Variants in CEP112 observed in about 807,000 individuals in gnomAD.
CEP112 encodes centrosomal protein of 112 kDa.
A neutral mutation model predicts 153.0 loss-of-function variants in CEP112; 127 were observed. The observed-to-expected ratio is 0.83, with a 90% confidence interval of 0.72 to 0.96. CEP112 has a LOEUF of 0.96. Ranked by LOEUF, CEP112 falls within the 40% of genes least tolerant of loss-of-function variation. The probability of loss-of-function intolerance (pLI) is 0.00; values close to 1 mark genes in which losing one functional copy is unlikely to be tolerated. For missense variants in CEP112, 1,089 were observed against 1,101.2 expected (o/e 0.99, Z 0.16); for synonymous variants, 358 against 374.4 (o/e 0.96, Z 0.51).
intron 17 of CEP112, among the ~76,000 whole-genome samples, chr17:65,980,690 T>C (rs574290278): frequency 5.9e-5 from 9 of 152,310 alleles, no homozygotes; most frequent in Middle Eastern, 3.4e-3. Context: ...TCTTCAACCA[T>C]TGACCATTTG....
intron 5 of CEP112, among the ~76,000 whole-genome samples, chr17:66,130,703 G>A (rs563196017): frequency 8.6e-5 from 13 of 151,182 alleles, no homozygotes; most frequent in African/African-American, 2.7e-4. Context: ...GTGAACCCGG[G>A]AGGTGGAGCT....
intron 6 of CEP112, among the ~76,000 whole-genome samples, chr17:66,128,965 C>T (rs965135661): frequency 1.3e-5 from 2 of 152,086 alleles, no homozygotes; most frequent in African/African-American, 4.8e-5. Context: ...TTTTATTCCT[C>T]TGATTTTCTA....
intron 24 of CEP112, chr17:65,644,533 G>A: frequency 4.2e-6 from 1 of 239,538 alleles, no homozygotes; most frequent in Non-Finnish European, 8.3e-6. Flanking sequence ...AGAACAATAT[G>A]GAACACAAGG....
chr17:65,727,004 C>T (rs899918411), intron 23 of CEP112, among the ~76,000 whole-genome samples: 2 of 152,178 alleles, frequency 1.3e-5, no homozygotes, highest in Non-Finnish European at 2.9e-5. Flanking sequence ...AGATAGATTC[C>T]TGTCAGGGGG....
chr17:66,029,052 C>T (rs953236453), intron 14 of CEP112, 71 bp downstream of exon 14: 1 of 1,143,822 alleles, frequency 8.7e-7, no homozygotes, highest in Non-Finnish European at 1.2e-6. Flanking sequence ...ATAATTTCTA[C>T]TTGGCTATCT....
rs33978059 is a variant in CEP112 at position 66,128,302 on chromosome 17, CA to C, written c.642+1443del. ...TGTGCGACACAGCAAGATTCTGTCT[CA>C]AAAAAAAAAAAAAAAAAAAGACAGA... On this transcript the variant is annotated intron_variant, in intron 6 of 26. Transcript: ENST00000535342. Among the ~76,000 whole-genome samples, 455 of 73,528 alleles carry C rather than the reference CA, an allele frequency of 6.2e-3. 1 individual carries two copies. The highest frequency in any genetic ancestry group is 0.023 in the African/African-American group (418 of 18,570). 48.2% of individuals were successfully genotyped at this position (73,528 alleles called of 152,430 possible). A position where few individuals can be genotyped will look rare whatever the true frequency, so the allele number is the denominator to read the frequency against.
At chr17:65,701,894 T>G (rs142536335) in intron 23 of CEP112, among the ~76,000 whole-genome samples, 2,061 of 150,830 alleles carry the variant, frequency 0.014, 29 homozygotes, top group African/African-American at 0.045. Flanking sequence ...TTCTTTTTTT[T>G]TTTGTTTTTT....
intron 23 of CEP112, among the ~76,000 whole-genome samples, chr17:65,702,520 A>G (rs2144606566): frequency 6.6e-6 from 1 of 152,318 alleles, no homozygotes; most frequent in Admixed American, 6.5e-5. Context: ...ATATTGTGAG[A>G]GAGGAAAGAA....
chr17:65,898,068 G>A (rs7214228), intron 20 of CEP112, among the ~76,000 whole-genome samples: 2,327 of 152,116 alleles, frequency 0.015, 67 homozygotes, highest in African/African-American at 0.054. Context: ...CTAATGTGGT[G>A]AATATAATTT....
intron 4 of CEP112, among the ~76,000 whole-genome samples, chr17:66,174,030 G>C (rs2072359266): frequency 6.6e-6 from 1 of 152,104 alleles, no homozygotes; most frequent in African/African-American, 2.4e-5. Context: ...CTGGGTTCAT[G>C]CCATTCTCCT....
chr17:65,853,622 G>T (rs1048884190), intron 20 of CEP112, among the ~76,000 whole-genome samples: 3 of 151,944 alleles, frequency 2.0e-5, no homozygotes, highest in Non-Finnish European at 4.4e-5. Flanking sequence ...CCAGCTGCTC[G>T]GAAGGCGGAG....
chr17:66,053,371 G>A (rs2066525577), intron 12 of CEP112, among the ~76,000 whole-genome samples: 5 of 151,826 alleles, frequency 3.3e-5, no homozygotes, highest in Non-Finnish European at 7.4e-5. Context: ...ATGGTGGCGG[G>A]CACCTGTAAT....
chr17:65,706,250 GT>G (rs2048907967), intron 23 of CEP112, among the ~76,000 whole-genome samples: 1 of 152,218 alleles, frequency 6.6e-6, no homozygotes, highest in African/African-American at 2.4e-5. Context: ...AATAGCTACA[GT>G]TCTGACAGGC....
intron 4 of CEP112, among the ~76,000 whole-genome samples, chr17:66,144,567 C>T (rs1008143008): frequency 6.6e-5 from 10 of 152,180 alleles, no homozygotes; most frequent in Non-Finnish European, 1.2e-4. Flanking sequence ...GTGCTGCACA[C>T]TTGCAGTCTC....
intron 12 of CEP112, among the ~76,000 whole-genome samples, chr17:66,044,153 CTT>C (rs2066102151): frequency 6.6e-6 from 1 of 152,056 alleles, no homozygotes. Flanking sequence ...CAAAGCATGA[CTT>C]TTCTTTTTAT....
rs547264760 is a variant in CEP112 at position 65,750,550 on chromosome 17, C to CA, written c.2457+111dup. 9.9e-3 allele frequency: 7,524 copies of CA among 756,266 alleles called. 2 individuals carry two copies. Among genetic ancestry groups the CA allele is most frequent in the Non-Finnish European group, 9.9e-3 (4,516 of 454,856 alleles). 46.8% of individuals were successfully genotyped at this position (756,266 alleles called of 1,614,324 possible). ...CCCATAAAAATATGATACCATTCCA[C>CA]AAAAAAAAACTGAAAAGAATGAAGT... On this transcript the variant is annotated intron_variant, in intron 22 of 26. Transcript: ENST00000535342.
At chr17:66,101,960 C>A (rs1301936222) in intron 6 of CEP112, among the ~76,000 whole-genome samples, 4 of 152,028 alleles carry the variant, frequency 2.6e-5, no homozygotes, top group Non-Finnish European at 5.9e-5. Flanking sequence ...GAAGAGATGG[C>A]TATTTTTTAA....
At chr17:66,106,265 A>T (rs915440815) in intron 6 of CEP112, among the ~76,000 whole-genome samples, 2 of 152,124 alleles carry the variant, frequency 1.3e-5, no homozygotes, top group African/African-American at 4.8e-5. Context: ...GCTAGAGCAA[A>T]CCAACCCCAA....
chr17:65,762,887 T>C (rs1446169350), intron 21 of CEP112, among the ~76,000 whole-genome samples: 1 of 152,064 alleles, frequency 6.6e-6, no homozygotes, highest in African/African-American at 2.4e-5. Context: ...TTTAATTTTA[T>C]CTTCACTTAT....
Sources: allele counts gnomAD v4.1 joint callset (sites outside exome capture counted in the v4.1 genomes callset), GRCh38; gene constraint gnomAD v4.1.1; transcripts MANE v1.5; gene names NCBI Gene and HGNC (gene_info 2026-07-23, HGNC 2026-07-21).